Variants in PCDHGC4 observed in about 807,000 individuals in gnomAD.
PCDHGC4 encodes the protein protocadherin gamma subfamily C, 4, also known as protocadherin gamma-C4.
PCDHGC4 carries 15 observed loss-of-function variants against 59.7 expected under a neutral mutation model. The ratio of observed to expected loss-of-function variants is 0.25; its 90% confidence interval spans 0.17 to 0.39. The LOEUF (loss-of-function observed/expected upper bound fraction) is 0.39. PCDHGC4 is among the 10% of genes least tolerant of loss of function. The pLI is 1.00. For synonymous variants in PCDHGC4, 434 were observed against 481.4 expected (o/e 0.90, Z 1.29); for missense variants, 1,016 against 1,189.5 (o/e 0.85, Z 2.15).
Position 141,489,866 on chromosome 5 carries a change from A to AGCTGGT in PCDHGC4, c.2442+2255_2442+2260dup. ...GATCGTGAAGCCCAGGCAAGACATC[A>AGCTGGT]GCTGGTGCTTACTGCTGTGGATGGG... On this transcript the variant is annotated intron_variant, in intron 1 of 3. Coordinates refer to ENST00000306593, the MANE Select transcript of PCDHGC4 (RefSeq NM_018928.3). The surrounding 1 kb of genome is among the most constrained non-coding windows in gnomAD (Gnocchi z 4.5). The AGCTGGT allele has an allele frequency of 1.2e-6, 2 of 1,614,220 alleles. No individual in the cohort carries two copies. The highest frequency in any genetic ancestry group is 1.7e-6 in the Non-Finnish European group (2 of 1,180,018).
Position 141,485,665 on chromosome 5 carries a change from C to G in PCDHGC4, c.492C>G (p.Ser164Arg). Reference protein sequence around the residue: ...LEKAQDADVGSNSISSYRLSS... With the variant: ...LEKAQDADVGRNSISSYRLSS... ...AGGCTCAGGATGCAGATGTGGGGAG[C>G]AATTCGATTAGCAGCTATAGGCTGA... Residue 164 changes from serine to arginine, a missense_variant, in exon 1 of 4, where the codon AGC becomes AGG. Coordinates refer to ENST00000306593, the MANE Select transcript of PCDHGC4 (RefSeq NM_018928.3). This position sits in a 1 kb window ranked among gnomAD's most constrained non-coding sequence, Gnocchi z 5.7. 1 of 1,612,622 alleles carries G rather than the reference C, an allele frequency of 6.2e-7. No individual in the cohort carries two copies.
Position 141,489,560 on chromosome 5 carries a change from A to C in PCDHGC4, c.2442+1945A>C, listed in dbSNP as rs749076412. On this transcript the variant is annotated intron_variant, in intron 1 of 3. Coordinates refer to ENST00000306593, the MANE Select transcript of PCDHGC4 (RefSeq NM_018928.3). This position sits in a 1 kb window ranked among gnomAD's most constrained non-coding sequence, Gnocchi z 4.5. Reference sequence around the variant, plus strand: ...AGCACCAGCTGCCTGCTGCCAGTGCAGGTGGTGACTGAACACCCCCTGGAG... The same window carrying C: ...AGCACCAGCTGCCTGCTGCCAGTGCCGGTGGTGACTGAACACCCCCTGGAG... 2 of 1,614,142 alleles carry C rather than the reference A, an allele frequency of 1.2e-6. No individual in the cohort carries two copies. Among genetic ancestry groups the C allele is most frequent in the Admixed American group, 3.3e-5 (2 of 60,024 alleles).
chr5:141,488,497 C>T (rs1054409265), intron 1 of PCDHGC4, among the ~76,000 whole-genome samples: 3 of 152,204 alleles, frequency 2.0e-5, no homozygotes, highest in South Asian at 2.1e-4. Flanking sequence ...CTGTAACACT[C>T]ATTCCACATT....
In PCDHGC4 at chr5:141,486,757, C is replaced by A; in HGVS notation, c.1584C>A (p.Thr528=). 5 of 1,614,228 alleles carry A rather than the reference C, an allele frequency of 3.1e-6. No homozygotes were observed. Among genetic ancestry groups the A allele is most frequent in the Non-Finnish European group, 4.2e-6 (5 of 1,180,036 alleles). ...CTCGATCCTTTGACTATGAGCAAAC[C>A]CAGACACTGCAGTTTGAGGTGCAGG... ...HATRSFDYEQ[T]QTLQFEVQAR... The change falls in exon 1 of 4, where the codon ACC becomes ACA. Residue 528 remains threonine, a synonymous_variant. Coordinates refer to ENST00000306593, the MANE Select transcript of PCDHGC4 (RefSeq NM_018928.3). This position sits in a 1 kb window ranked among gnomAD's most constrained non-coding sequence, Gnocchi z 5.0.
Position 141,491,897 on chromosome 5 carries a change from C to G in PCDHGC4, c.2443-2910C>G. The stretch of plus-strand genomic sequence containing the variant: ...GATTAAGGGATGGGGCTCCGAGCAC[C>G]GGGGGTGGTGGCGACTGTGGGCGAG... On this transcript the variant is annotated intron_variant, in intron 1 of 3. Transcript: ENST00000306593. This position sits in a 1 kb window ranked among gnomAD's most constrained non-coding sequence, Gnocchi z 6.9. 7 of 1,432,534 alleles carry G rather than the reference C, an allele frequency of 4.9e-6. No homozygotes were observed. The highest frequency in any genetic ancestry group is 6.5e-6 in the Non-Finnish European group (7 of 1,082,898). 88.7% of individuals were successfully genotyped at this position (1,432,534 alleles called of 1,614,324 possible).
intron 2 of PCDHGC4, among the ~76,000 whole-genome samples, chr5:141,499,940 G>A (rs1158937971): frequency 4.0e-5 from 6 of 151,722 alleles, no homozygotes; most frequent in Non-Finnish European, 8.8e-5. Flanking sequence ...CACCCTCCTC[G>A]GCCTCCCAAA....
Position 141,489,533 on chromosome 5 carries a change from C to G in PCDHGC4, c.2442+1918C>G, listed in dbSNP as rs754586925. The G allele has an allele frequency of 6.2e-7, 1 of 1,614,086 alleles. No individual in the cohort carries two copies. The highest frequency in any genetic ancestry group is 1.7e-5 in the Admixed American group (1 of 60,030). ...ATTGACCGAGAAAGCCTATGTGGAG[C>G]CAGCACCAGCTGCCTGCTGCCAGTG... On this transcript the variant is annotated intron_variant, in intron 1 of 3. Coordinates refer to ENST00000306593, the MANE Select transcript of PCDHGC4 (RefSeq NM_018928.3). The surrounding 1 kb of genome is among the most constrained non-coding windows in gnomAD (Gnocchi z 4.5).
In PCDHGC4 at chr5:141,486,269, G is replaced by T; in HGVS notation, c.1096G>T (p.Gly366Cys). 6.2e-7 allele frequency: 1 copy of T among 1,613,996 alleles called. No homozygotes were observed. The highest frequency in any genetic ancestry group is 8.5e-7 in the Non-Finnish European group (1 of 1,179,956). Residue 366 changes from glycine (G) to cysteine (C), a missense_variant, in exon 1 of 4, where the codon GGC becomes TGC. Transcript: ENST00000306593. The surrounding 1 kb of genome is among the most constrained non-coding windows in gnomAD (Gnocchi z 5.0). ...LGTLPESAEP[G>C]TVVALISVQD... ...AACCCTCCCCGAGAGTGCAGAACCT[G>T]GCACTGTGGTGGCACTTATCAGTGT...
At chr5:141,507,084 T>G (rs2099858284) in intron 3 of PCDHGC4, 1 of 152,142 alleles carries the variant, frequency 6.6e-6, no homozygotes, top group African/African-American at 2.4e-5. Flanking sequence ...ACTCCTAAGT[T>G]TATGCTCTTT....
chr5:141,497,210 G>T (rs988856908), intron 2 of PCDHGC4, among the ~76,000 whole-genome samples: 1 of 28,140 alleles, frequency 3.6e-5, no homozygotes, highest in African/African-American at 1.1e-3. Context: ...TGAGTGTAAT[G>T]GGGGGGGGAA....
chr5:141,502,028 G>A (rs561260963), intron 2 of PCDHGC4, among the ~76,000 whole-genome samples: 62 of 152,150 alleles, frequency 4.1e-4, no homozygotes, highest in African/African-American at 1.5e-3. Flanking sequence ...TGCAACCCCC[G>A]CCGCTTGCCT....
intron 2 of PCDHGC4, 54 bp downstream of exon 2, chr5:141,494,919 T>A: frequency 6.2e-7 from 1 of 1,613,926 alleles, no homozygotes; most frequent in South Asian, 1.1e-5. Flanking sequence ...TTCTCAGGGA[T>A]GACGTGGGAG....
chr5:141,500,870 A>C (rs2099803097), intron 2 of PCDHGC4, among the ~76,000 whole-genome samples: 1 of 139,794 alleles, frequency 7.2e-6, no homozygotes, highest in African/African-American at 2.8e-5. Context: ...ATACACATTC[A>C]TTTACAATTT....
At position 141,485,100 on chromosome 5, in the gene PCDHGC4, C is replaced by G. The variant is rs900224386; in HGVS notation, c.-74C>G. 1.0e-5 allele frequency: 12 copies of G among 1,148,882 alleles called. No homozygotes were observed. Among genetic ancestry groups the G allele is most frequent in the Non-Finnish European group, 1.4e-5 (11 of 778,894 alleles). 71.2% of individuals were successfully genotyped at this position (1,148,882 alleles called of 1,614,324 possible). On this transcript the variant is annotated 5_prime_UTR_variant, in exon 1 of 4. Coordinates refer to ENST00000306593, the MANE Select transcript of PCDHGC4 (RefSeq NM_018928.3). This position sits in a 1 kb window ranked among gnomAD's most constrained non-coding sequence, Gnocchi z 5.7. ...GGGAAAGGGAGATAGGTGTCTCCAG[C>G]TGCTGTGGCTGTTTGGGGCGGGTCG...
chr5:141,487,004 C>G lies in PCDHGC4; in HGVS notation c.1831C>G (p.Leu611Val). 1 of 1,614,224 alleles carries G rather than the reference C, an allele frequency of 6.2e-7. No homozygotes were observed. The highest frequency in any genetic ancestry group is 1.1e-5 in the South Asian group (1 of 91,086). The change falls in exon 1 of 4, where the codon CTG (leucine) becomes GTG (valine). Residue 611 changes from leucine to valine, a missense_variant. Transcript: ENST00000306593. This position sits in a 1 kb window ranked among gnomAD's most constrained non-coding sequence, Gnocchi z 5.0. ...GYNAWVSYQLLEAPDPSLFAV... is the reference protein window; with the variant it reads ...GYNAWVSYQLVEAPDPSLFAV... ...CAATGCTTGGGTTTCCTATCAGCTC[C>G]TGGAGGCCCCAGATCCCAGCCTGTT...
rs1482322150 is a variant in PCDHGC4, at chr5:141,485,119, C to T, written c.-55C>T. On this transcript the variant is annotated 5_prime_UTR_variant, in exon 1 of 4. Transcript: ENST00000306593. This position sits in a 1 kb window ranked among gnomAD's most constrained non-coding sequence, Gnocchi z 5.7. ...CTCCAGCTGCTGTGGCTGTTTGGGGCGGGTCGGCTTCATCCGCGTCTCAGG... is the reference window on the plus strand; with the variant it reads ...CTCCAGCTGCTGTGGCTGTTTGGGGTGGGTCGGCTTCATCCGCGTCTCAGG... 9.8e-6 allele frequency: 13 copies of T among 1,328,806 alleles called. No individual in the cohort carries two copies. The East Asian group carries it at 1.8e-4, about 19-fold the overall frequency. 82.3% of individuals were successfully genotyped at this position (1,328,806 alleles called of 1,614,324 possible). A position where few individuals can be genotyped will look rare whatever the true frequency, so the allele number is the denominator to read the frequency against.
rs746487145 is a variant in PCDHGC4 at position 141,505,415 on chromosome 5, G to A, written c.2524G>A (p.Gly842Ser). 7.4e-6 allele frequency: 12 copies of A among 1,614,074 alleles called. No individual in the cohort carries two copies. The East Asian group carries it at 1.3e-4, about 18-fold the overall frequency. Residue 842 changes from glycine to serine, a missense_variant, in exon 3 of 4, where the codon GGC (glycine) becomes AGC (serine). Gly to Ser is a moderately conservative substitution (Grantham distance 56, BLOSUM62 0). Coordinates refer to ENST00000306593, the MANE Select transcript of PCDHGC4 (RefSeq NM_018928.3). ...CAGCTCCCAAAATGGCGATGACACC[G>A]GCACCTGGCCCAACAACCAGTTTGA... ...TSGSQNGDDT[G>S]TWPNNQFDTE...
Position 141,486,954 on chromosome 5 carries a change from C to T in PCDHGC4, c.1781C>T (p.Thr594Ile), listed in dbSNP as rs764632268. 3.7e-6 allele frequency: 6 copies of T among 1,614,114 alleles called. 1 individual carries two copies. The South Asian group carries it at 6.6e-5, about 18-fold the overall frequency. Residue 594 changes from threonine (T) to isoleucine (I), a missense_variant, in exon 1 of 4, where the codon ACT becomes ATT. Coordinates refer to ENST00000306593, the MANE Select transcript of PCDHGC4 (RefSeq NM_018928.3). The surrounding 1 kb of genome is among the most constrained non-coding windows in gnomAD (Gnocchi z 5.0). ...GCTGGCCACCTAATCACAAAGGTGA[C>T]TGCTGTGGACTTGGATTCAGGTTAC... ...VGAGHLITKV[T>I]AVDLDSGYNA... is the part of the protein sequence containing the mutation.
intron 2 of PCDHGC4, among the ~76,000 whole-genome samples, chr5:141,500,928 G>A (rs2099803943): frequency 6.6e-6 from 1 of 151,476 alleles, no homozygotes; most frequent in African/African-American, 2.4e-5. Context: ...GGGTGCAGTG[G>A]CGCCATCTCG....
Sources: allele counts gnomAD v4.1 joint callset (sites outside exome capture counted in the v4.1 genomes callset), GRCh38; gene constraint gnomAD v4.1.1; non-coding constraint Gnocchi (gnomAD v3.1); transcripts MANE v1.5; gene names NCBI Gene and HGNC (gene_info 2026-07-23, HGNC 2026-07-21).